The following KIF5A variants were observed in gnomAD, a reference collection of about 807,000 sequenced individuals.
The protein encoded by KIF5A is kinesin heavy chain isoform 5A.
KIF5A carries 35 observed loss-of-function variants against 141.3 expected under a neutral mutation model. The observed-to-expected ratio is 0.25, with a 90% confidence interval of 0.19 to 0.33. The LOEUF (loss-of-function observed/expected upper bound fraction) is 0.33. Among genes scored for constraint, KIF5A ranks in the 10% least tolerant of loss-of-function variants. KIF5A has a pLI of 1.00. For synonymous variants in KIF5A, 448 were observed against 500.2 expected, an observed-to-expected ratio of 0.90 and a Z score of 1.39; for missense variants, 861 against 1,314.3, an observed-to-expected ratio of 0.66 and a Z score of 5.33.
At position 57,581,008 on chromosome 12, in the gene KIF5A, G is replaced by A. The variant is rs899351451; in HGVS notation, c.2591G>A (p.Arg864Gln). 4 of 1,613,930 alleles carry A rather than the reference G, an allele frequency of 2.5e-6. No homozygotes were observed. The highest frequency in any genetic ancestry group is 1.7e-5 in the Admixed American group (1 of 59,990). The change falls in exon 24 of 29, where the codon CGA (arginine) becomes CAA (glutamine). Residue 864 changes from arginine to glutamine, a missense_variant. Around this residue, in one of 5 missense-constraint regions of KIF5A, gnomAD observed 482 missense variants for 661.3 expected, o/e 0.73. Transcript: ENST00000455537. ...LRCELPKLEKRLRATAERVKA... is the reference protein window; with the variant it reads ...LRCELPKLEKQLRATAERVKA... ...TGTGAGCTTCCTAAATTGGAAAAAC[G>A]ACTTAGGGCTACGGCTGAGAGAGTT... is the stretch of plus-strand genomic sequence containing the variant.
intron 1 of KIF5A, among the ~76,000 whole-genome samples, chr12:57,559,173 G>T (rs1478363551): frequency 6.6e-6 from 1 of 152,210 alleles, no homozygotes; most frequent in Non-Finnish European, 1.5e-5. Flanking sequence ...ACAAACAGTT[G>T]AATGACCTTG....
chr12:57,557,281 G>A (rs545910672), intron 1 of KIF5A, among the ~76,000 whole-genome samples: 1 of 151,988 alleles, frequency 6.6e-6, no homozygotes, highest in African/African-American at 2.4e-5. Context: ...GAGAGGCATT[G>A]GCTTGAGATA....
At position 57,550,498 on chromosome 12, in the gene KIF5A, C is replaced by A; in HGVS notation, c.129+98C>A. 2.4e-6 allele frequency: 3 copies of A among 1,234,624 alleles called. No individual in the cohort carries two copies. Among genetic ancestry groups the A allele is most frequent in the Middle Eastern group, 2.5e-4 (1 of 3,982 alleles). The allele number at this position is 1,234,624 out of a possible 1,614,324, so 76.5% of individuals were successfully genotyped here. ...GTCTCTGCTGGTCCCTTTGCTCCCCCTCCCCGCCGCTCATCCTTCATCCTC... is the reference window on the plus strand; with the variant it reads ...GTCTCTGCTGGTCCCTTTGCTCCCCATCCCCGCCGCTCATCCTTCATCCTC... On this transcript the variant is annotated intron_variant, in intron 1 of 28. Coordinates refer to ENST00000455537, the MANE Select transcript of KIF5A (RefSeq NM_004984.4). This position sits in a 1 kb window ranked among gnomAD's most constrained non-coding sequence, Gnocchi z 4.6.
In KIF5A at chr12:57,582,642, C is replaced by A; in HGVS notation, c.3020+13C>A. The A allele has an allele frequency of 1.2e-6, 2 of 1,604,316 alleles. No homozygotes were observed. Among genetic ancestry groups the A allele is most frequent in the Middle Eastern group, 3.3e-4 (2 of 6,040 alleles). ...TCAATGACAATAGGTACAACAGTCCCCACTACCCCTGGGTTCTCTGGGTGG... is the reference window on the plus strand; with the variant it reads ...TCAATGACAATAGGTACAACAGTCCACACTACCCCTGGGTTCTCTGGGTGG... On this transcript the variant is annotated intron_variant, in intron 27 of 28. Transcript: ENST00000455537.
chr12:57,555,901 T>C (rs1191311476), intron 1 of KIF5A, among the ~76,000 whole-genome samples: 2 of 104,930 alleles, frequency 1.9e-5, no homozygotes, highest in African/African-American at 7.7e-5. Context: ...AGAGTGAAAC[T>C]CTATCTCAAA....
chr12:57,561,949 T>C (rs1881919994), intron 1 of KIF5A, among the ~76,000 whole-genome samples: 1 of 152,226 alleles, frequency 6.6e-6, no homozygotes, highest in Admixed American at 6.5e-5. Flanking sequence ...CTGGCGTCTG[T>C]AGATCTTGAG....
In KIF5A at chr12:57,568,369, C is replaced by A. The variant is rs147415474; in HGVS notation, c.715-594C>A. 2.3e-3 allele frequency among the ~76,000 whole-genome samples: 352 copies of A among 152,270 alleles called. 1 individual carries two copies. Among genetic ancestry groups the A allele is most frequent in the African/African-American group, 8.1e-3 (338 of 41,546 alleles). On this transcript the variant is annotated intron_variant, in intron 8 of 28. Coordinates refer to ENST00000455537, the MANE Select transcript of KIF5A (RefSeq NM_004984.4). ...TCTCCATTGTCCCCTAACCCCATCC[C>A]CTGTCAACTTCTAATCTACTTTCTG...
At position 57,571,390 on chromosome 12, in the gene KIF5A, G is replaced by C; in HGVS notation, c.1362+1G>C. On this transcript the variant is annotated splice_donor_variant, in intron 13 of 28. Coordinates refer to ENST00000455537, the MANE Select transcript of KIF5A (RefSeq NM_004984.4). LOFTEE classifies it high-confidence loss of function. ...GCAGCAAATGCTGGACCAGGAAGAG[G>C]TAATAGGAGGGAGGGCAGGACATGA... 1 of 1,613,780 alleles carries C rather than the reference G, an allele frequency of 6.2e-7. No homozygotes were observed. The highest frequency in any genetic ancestry group is 8.5e-7 in the Non-Finnish European group (1 of 1,179,820).
In KIF5A at chr12:57,572,305, A is replaced by G; in HGVS notation, c.1569+38A>G. On this transcript the variant is annotated intron_variant, in intron 14 of 28. Coordinates refer to ENST00000455537, the MANE Select transcript of KIF5A (RefSeq NM_004984.4). The surrounding 1 kb of genome is among the most constrained non-coding windows in gnomAD (Gnocchi z 4.2). ...CCAATGGTCCAACAGCTCCCTGACC[A>G]CAGAACATCTCCCATGTCGAGGGGA... 1 of 1,548,200 alleles carries G rather than the reference A, an allele frequency of 6.5e-7. No homozygotes were observed. The highest frequency in any genetic ancestry group is 8.8e-7 in the Non-Finnish European group (1 of 1,141,746).
Position 57,575,281 on chromosome 12 carries a change from C to T in KIF5A, c.1905+9C>T. ...AGCTCCTCATCTCTCAGGTGAGTGC[C>T]TAAGTTTGAGAACCTTCAGATGCCA... On this transcript the variant is annotated intron_variant, in intron 16 of 28. Transcript: ENST00000455537. 6.2e-7 allele frequency: 1 copy of T among 1,612,002 alleles called. No individual in the cohort carries two copies. Among genetic ancestry groups the T allele is most frequent in the South Asian group, 1.1e-5 (1 of 90,642 alleles).
At chr12:57,566,440 C>T (rs1882067484) in intron 6 of KIF5A, among the ~76,000 whole-genome samples, 1 of 149,094 alleles carries the variant, frequency 6.7e-6, no homozygotes, top group Non-Finnish European at 1.5e-5. Flanking sequence ...CAGAGTTTCT[C>T]TCTTGTTGCC....
Position 57,572,696 on chromosome 12 carries a change from T to C in KIF5A, c.1686T>C (p.Ser562=). The C allele has an allele frequency of 6.2e-7, 1 of 1,614,072 alleles. No homozygotes were observed. The highest frequency in any genetic ancestry group is 8.5e-7 in the Non-Finnish European group (1 of 1,180,010). The change falls in exon 15 of 29, where the codon AGT becomes AGC. Residue 562 remains serine, a synonymous_variant. Coordinates refer to ENST00000455537, the MANE Select transcript of KIF5A (RefSeq NM_004984.4). The surrounding 1 kb of genome is among the most constrained non-coding windows in gnomAD (Gnocchi z 4.2). ...TGATGAAGGATCTGAGCGAGTTCAG[T>C]GTCATTGTGGGCAACGGGGAGATTA... ...NGLMKDLSEF[S]VIVGNGEIKL...
At position 57,572,263 on chromosome 12, in the gene KIF5A, A is replaced by AGGTGGTAAGT; in HGVS notation, c.1569+1_1569+10dup. 1.9e-6 allele frequency: 3 copies of AGGTGGTAAGT among 1,586,886 alleles called. No individual in the cohort carries two copies. Among genetic ancestry groups the AGGTGGTAAGT allele is most frequent in the Non-Finnish European group, 2.6e-6 (3 of 1,166,220 alleles). On this transcript the variant is annotated frameshift_variant, in exon 14 of 29. Coordinates refer to ENST00000455537, the MANE Select transcript of KIF5A (RefSeq NM_004984.4). LOFTEE classifies it high-confidence loss of function. The surrounding 1 kb of genome is among the most constrained non-coding windows in gnomAD (Gnocchi z 4.2). ...CTTCTGGTGGATGAGCTGTCTCAGA[A>AGGTGGTAAGT]GGTGGTAAGTGGTGTGCCAATGGTC...
Position 57,567,188 on chromosome 12 carries a change from A to G in KIF5A, c.564A>G (p.Lys188=), listed in dbSNP as rs377592412. The G allele has an allele frequency of 6.2e-7, 1 of 1,613,242 alleles. No homozygotes were observed. The highest frequency in any genetic ancestry group is 1.7e-5 in the Admixed American group (1 of 60,002). The change falls in exon 7 of 29, where the codon AAA becomes AAG. Residue 188 remains lysine (K), a synonymous_variant. Transcript: ENST00000455537. The part of the protein sequence containing the change: ...EEILDVIDEG[K]SNRHVAVTNM... ...TTCTGGATGTGATTGATGAAGGGAA[A>G]TCAAATCGTCATGTGGCTGTCACCA... is the stretch of plus-strand genomic sequence containing the variant.
At chr12:57,555,919 A>G (rs1337751078) in intron 1 of KIF5A, among the ~76,000 whole-genome samples, 2 of 149,190 alleles carry the variant, frequency 1.3e-5, no homozygotes, top group African/African-American at 2.4e-5. Context: ...AAAAAAAAAA[A>G]AAAAAGAAAA....
Position 57,572,168 on chromosome 12 carries a change from C to T in KIF5A, c.1470C>T (p.Ala490=), listed in dbSNP as rs1882276063. 1 of 1,613,918 alleles carries T rather than the reference C, an allele frequency of 6.2e-7. No individual in the cohort carries two copies. The change falls in exon 14 of 29, where the codon GCC becomes GCT. Residue 490 remains alanine, a synonymous_variant. Transcript: ENST00000455537. This position sits in a 1 kb window ranked among gnomAD's most constrained non-coding sequence, Gnocchi z 4.2. ...AKDEVKEVLQ[A]LEELAVNYDQ... is the part of the protein sequence containing the mutation. ...ATGAGGTGAAGGAAGTGCTGCAGGCCCTGGAGGAGCTGGCTGTGAACTATG... is the reference window on the plus strand; with the variant it reads ...ATGAGGTGAAGGAAGTGCTGCAGGCTCTGGAGGAGCTGGCTGTGAACTATG...
chr12:57,568,851 A>G (rs1471542466), intron 8 of KIF5A, 112 bp from the exon 9 acceptor site: 4 of 741,778 alleles, frequency 5.4e-6, no homozygotes, highest in Non-Finnish European at 4.8e-6. Context: ...CTGTTACTCC[A>G]TCTTCTTCCC....
In KIF5A at chr12:57,575,264, A is replaced by G; in HGVS notation, c.1897A>G (p.Ile633Val). Reference protein sequence around the residue: ...GRELSSCQLLISQHEAKIRSL... With the variant: ...GRELSSCQLLVSQHEAKIRSL... The stretch of plus-strand genomic sequence containing the variant: ...GGAGCTCTCATCCTGCCAGCTCCTC[A>G]TCTCTCAGGTGAGTGCCTAAGTTTG... Residue 633 changes from isoleucine (I) to valine (V), a missense_variant, in exon 16 of 29, where the codon ATC becomes GTC. By Grantham distance (29) the Ile-to-Val change is conservative. This residue lies in a region of KIF5A where 482 missense variants were observed against 661.3 expected (regional missense o/e 0.73). Coordinates refer to ENST00000455537, the MANE Select transcript of KIF5A (RefSeq NM_004984.4). 2 of 1,613,156 alleles carry G rather than the reference A, an allele frequency of 1.2e-6. No individual in the cohort carries two copies. Among genetic ancestry groups the G allele is most frequent in the Non-Finnish European group, 1.7e-6 (2 of 1,179,646 alleles).
At chr12:57,561,105 T>A (rs1373991531) in intron 1 of KIF5A, among the ~76,000 whole-genome samples, 2 of 152,174 alleles carry the variant, frequency 1.3e-5, no homozygotes, top group Non-Finnish European at 2.9e-5. Context: ...AGTGGCCCGA[T>A]CTTGGCTCAC....
Sources: gnomAD v4.1 joint callset for allele counts (sites outside exome capture counted in the v4.1 genomes callset) on GRCh38, gnomAD v4.1.1 for gene constraint, gnomAD v4.1.1 regional missense constraint, Gnocchi (gnomAD v3.1) non-coding constraint, MANE v1.5 for transcripts, NCBI Gene and HGNC (gene_info 2026-07-23, HGNC 2026-07-21) for gene names.